The following SORCS2 variants were observed in gnomAD, a reference collection of about 807,000 sequenced individuals.
SORCS2 encodes sortilin related VPS10 domain containing receptor 2, also known as VPS10 domain-containing receptor SorCS2.
Under a neutral mutation model 141.6 loss-of-function variants are expected in SORCS2, and 100 were observed. The observed-to-expected ratio is 0.71, with a 90% confidence interval of 0.60 to 0.83. SORCS2 has a LOEUF of 0.83. Among genes scored for constraint, SORCS2 ranks in the 40% least tolerant of loss-of-function variants. The pLI is 0.00. For missense variants in SORCS2, 1,646 were observed against 1,560.2 expected (o/e 1.05, Z -0.93); for synonymous variants, 789 against 676.9 (o/e 1.17, Z -2.57).
chr4:7,623,676 G>A (rs1419973881), intron 3 of SORCS2, among the ~76,000 whole-genome samples: 3 of 152,092 alleles, frequency 2.0e-5, no homozygotes, highest in Admixed American at 6.5e-5. Context: ...GGTCACCTGG[G>A]CACCTCGCTG....
chr4:7,663,710 GGAGGAGGAGGAAAAGGAAGAGGAGGAA>G lies in SORCS2; in HGVS notation c.953-631_953-605del, dbSNP rs1722326685. ...GCCGGGTCACCCAAGGCTGGGGGCA[GGAGGAGGAGGAAAAGGAAGAGGAGGAA>G]GAGGAGGAGGAGGAGGCACCCTTCC... On this transcript the variant is annotated intron_variant, in intron 6 of 26. Coordinates refer to ENST00000507866, the MANE Select transcript of SORCS2 (RefSeq NM_020777.3). This position sits in a 1 kb window ranked among gnomAD's most constrained non-coding sequence, Gnocchi z 4.8. Among the ~76,000 whole-genome samples the G allele has an allele frequency of 6.6e-6, 1 of 152,146 alleles. No individual in the cohort carries two copies. Among genetic ancestry groups the G allele is most frequent in the Non-Finnish European group, 1.5e-5 (1 of 68,032 alleles).
At chr4:7,654,427 T>A (rs1285831573) in intron 5 of SORCS2, among the ~76,000 whole-genome samples, 1 of 152,188 alleles carries the variant, frequency 6.6e-6, no homozygotes, top group Non-Finnish European at 1.5e-5. Context: ...CATTGGGTGG[T>A]ATCAGAAATC....
chr4:7,741,729 G>C lies in SORCS2; in HGVS notation c.*1465G>C, dbSNP rs1712694178. On this transcript the variant is annotated 3_prime_UTR_variant, in exon 27 of 27. Transcript: ENST00000507866. Reference sequence around the variant, plus strand: ...AGAAAGGGAGAACGCCAGAGCCCTGGCTGGTGACATGCTGGCTGGGGGTGA... The same window carrying C: ...AGAAAGGGAGAACGCCAGAGCCCTGCCTGGTGACATGCTGGCTGGGGGTGA... 1 of 156,840 alleles carries C rather than the reference G, an allele frequency of 6.4e-6. No homozygotes were observed. Among genetic ancestry groups the C allele is most frequent in the South Asian group, 2.1e-4 (1 of 4,864 alleles). 9.7% of individuals were successfully genotyped at this position (156,840 alleles called of 1,614,324 possible). A position where few individuals can be genotyped will look rare whatever the true frequency, so the allele number is the denominator to read the frequency against.
At chr4:7,719,896 T>G (rs1486358504) in intron 18 of SORCS2, among the ~76,000 whole-genome samples, 6 of 151,902 alleles carry the variant, frequency 3.9e-5, no homozygotes, top group Non-Finnish European at 7.4e-5. Flanking sequence ...GTGAAGAGAG[T>G]GATCAAAAGA....
intron 1 of SORCS2, among the ~76,000 whole-genome samples, chr4:7,285,706 G>A (rs915903301): frequency 3.9e-5 from 6 of 152,212 alleles, no homozygotes; most frequent in African/African-American, 1.4e-4. Flanking sequence ...CTTCCTTCTC[G>A]CTGGAGGACC....
intron 1 of SORCS2, among the ~76,000 whole-genome samples, chr4:7,364,115 TCACCAC>T (rs72444327): frequency 0.037 from 5,655 of 151,802 alleles, 111 homozygotes; most frequent in Middle Eastern, 0.095. Context: ...ATTGTCACCA[TCACCAC>T]CACCACCACC....
At chr4:7,682,973 G>C (rs940953263) in intron 10 of SORCS2, 84 bp downstream of exon 10, 1 of 1,493,800 alleles carries the variant, frequency 6.7e-7, no homozygotes, top group African/African-American at 1.4e-5. Context: ...CAGAGGTGGT[G>C]ATGTCTGAGA....
At chr4:7,339,589 G>T (rs1003969821) in intron 1 of SORCS2, among the ~76,000 whole-genome samples, 2 of 152,134 alleles carry the variant, frequency 1.3e-5, no homozygotes, top group South Asian at 2.1e-4. Flanking sequence ...GTGTTCTCCC[G>T]GATAGCGTCT....
At chr4:7,206,987 G>T (rs942288949) in intron 1 of SORCS2, among the ~76,000 whole-genome samples, 2 of 152,116 alleles carry the variant, frequency 1.3e-5, no homozygotes, top group African/African-American at 4.8e-5. Flanking sequence ...AAATGACTTT[G>T]CAGCATCACC....
chr4:7,609,954 C>T (rs1348617979), intron 3 of SORCS2, among the ~76,000 whole-genome samples: 3 of 152,206 alleles, frequency 2.0e-5, no homozygotes, highest in Non-Finnish European at 4.4e-5. Flanking sequence ...CATTCCTTGG[C>T]AGTTGTGCTC....
chr4:7,695,668 A>ATGGGTGGATTGGTGGGTGGG (rs1560490409), intron 11 of SORCS2, among the ~76,000 whole-genome samples: 3 of 31,080 alleles, frequency 9.7e-5, no homozygotes, highest in Non-Finnish European at 1.3e-4. Flanking sequence ...GGATGGATGG[A>ATGGGTGGATTGGTGGGTGGG]TGGATGGATG....
rs1715395794 is a variant in SORCS2 at position 7,571,524 on chromosome 4, A to G, written c.648+39895A>G. ...TGAGATGAGGGACCCGCAAAATTCTACCTGGGCAGTCCCGTGGGACTACTA... is the reference window on the plus strand; with the variant it reads ...TGAGATGAGGGACCCGCAAAATTCTGCCTGGGCAGTCCCGTGGGACTACTA... On this transcript the variant is annotated intron_variant, in intron 3 of 26. Transcript: ENST00000507866. Among the ~76,000 whole-genome samples the G allele has an allele frequency of 3.9e-5, 6 of 152,172 alleles. No individual in the cohort carries two copies. In the East Asian group the frequency reaches 1.2e-3, roughly 30 times the overall value.
chr4:7,300,436 G>C (rs1293799728), intron 1 of SORCS2, among the ~76,000 whole-genome samples: 1 of 152,180 alleles, frequency 6.6e-6, no homozygotes, highest in Non-Finnish European at 1.5e-5. Context: ...TCTAGCTTCT[G>C]CACCACTCTC....
intron 2 of SORCS2, among the ~76,000 whole-genome samples, chr4:7,507,604 A>G (rs4689768): frequency 0.59 from 89,625 of 152,138 alleles, 27,957 homozygotes; most frequent in East Asian, 0.99. Context: ...AAGTGGCACG[A>G]AAGTAGACGG....
intron 9 of SORCS2, among the ~76,000 whole-genome samples, chr4:7,678,209 G>A (rs1378042006): frequency 6.6e-6 from 1 of 151,886 alleles, no homozygotes; most frequent in East Asian, 1.9e-4. Flanking sequence ...GTCAGGGAGT[G>A]CTTCCTGGAG....
chr4:7,268,337 G>A (rs987348525), intron 1 of SORCS2, among the ~76,000 whole-genome samples: 6 of 152,178 alleles, frequency 3.9e-5, no homozygotes, highest in Non-Finnish European at 8.8e-5. Flanking sequence ...CATGTGGGGA[G>A]TTGTCAAAGG....
chr4:7,275,827 G>A (rs1577346622), intron 1 of SORCS2, among the ~76,000 whole-genome samples: 1 of 152,126 alleles, frequency 6.6e-6, no homozygotes. Flanking sequence ...TCTATGGAGG[G>A]TCTGACTCTC....
At chr4:7,380,323 A>T (rs62280085) in intron 1 of SORCS2, among the ~76,000 whole-genome samples, 15,913 of 152,268 alleles carry the variant, frequency 0.1, 1,121 homozygotes, top group South Asian at 0.2. Flanking sequence ...GTGGTTTCAT[A>T]GAGAAGCTGA....
In SORCS2 at chr4:7,286,989, C is replaced by G. The variant is rs1281702215; in HGVS notation, c.480+93863C>G. Among the ~76,000 whole-genome samples the G allele has an allele frequency of 6.6e-6, 1 of 152,206 alleles. No homozygotes were observed. The highest frequency in any genetic ancestry group is 1.5e-5 in the Non-Finnish European group (1 of 68,032). ...CGCTTCTTGCATCAGGTGGCTGCAGCCCGGCCTGGGAGTTGCCTCCTCCTC... is the reference window on the plus strand; with the variant it reads ...CGCTTCTTGCATCAGGTGGCTGCAGGCCGGCCTGGGAGTTGCCTCCTCCTC... On this transcript the variant is annotated intron_variant, in intron 1 of 26. Coordinates refer to ENST00000507866, the MANE Select transcript of SORCS2 (RefSeq NM_020777.3). This position sits in a 1 kb window ranked among gnomAD's most constrained non-coding sequence, Gnocchi z 4.1.
Sources: gnomAD v4.1 joint callset for allele counts (sites outside exome capture counted in the v4.1 genomes callset) on GRCh38, gnomAD v4.1.1 for gene constraint, Gnocchi (gnomAD v3.1) non-coding constraint, MANE v1.5 for transcripts, NCBI Gene and HGNC (gene_info 2026-07-23, HGNC 2026-07-21) for gene names.